ZSCAN5A: variants seen among roughly 807,000 people sequenced by gnomAD.
ZSCAN5A encodes the protein zinc finger and SCAN domain-containing protein 5A.
ZSCAN5A carries 12 observed loss-of-function variants against 23.7 expected under a neutral mutation model. The observed-to-expected ratio is 0.51, with a 90% CI of 0.32 to 0.82. The LOEUF (loss-of-function observed/expected upper bound fraction) is 0.82, where lower values mean the gene tolerates loss of function less well. Among genes scored for constraint, ZSCAN5A ranks in the 40% least tolerant of loss-of-function variants. ZSCAN5A has a pLI of 0.03. For missense variants in ZSCAN5A, 597 were observed against 617.9 expected, an observed-to-expected ratio of 0.97 and a Z score of 0.36; for synonymous variants, 257 against 239.9, an observed-to-expected ratio of 1.07 and a Z score of -0.66.
At chr19:56,279,020 T>G (rs2038476989) in intron 2 of ZSCAN5A, among the ~76,000 whole-genome samples, 1 of 152,214 alleles carries the variant, frequency 6.6e-6, no homozygotes, top group African/African-American at 2.4e-5. Context: ...CAGACACACC[T>G]GGGGCAGCCC....
chr19:56,230,837 C>T (rs550125273), intron 2 of ZSCAN5A, among the ~76,000 whole-genome samples: 1 of 152,158 alleles, frequency 6.6e-6, no homozygotes, highest in Non-Finnish European at 1.5e-5. Flanking sequence ...CTACCTTCGA[C>T]GTGCTCAGAA....
intron 1 of ZSCAN5A, among the ~76,000 whole-genome samples, chr19:56,367,060 G>A (rs575171762): frequency 3.5e-4 from 54 of 152,318 alleles, no homozygotes; most frequent in Non-Finnish European, 6.6e-4. Flanking sequence ...CACATTTATA[G>A]ATCAAGAATA....
intron 2 of ZSCAN5A, among the ~76,000 whole-genome samples, chr19:56,278,481 G>C (rs1432445696): frequency 3.3e-5 from 5 of 152,218 alleles, no homozygotes; most frequent in Non-Finnish European, 5.9e-5. Context: ...ATCTCACACA[G>C]ATAAGGAGTT....
At chr19:56,258,963 T>A (rs2036927656) in intron 2 of ZSCAN5A, among the ~76,000 whole-genome samples, 1 of 152,134 alleles carries the variant, frequency 6.6e-6, no homozygotes, top group African/African-American at 2.4e-5. Context: ...GGAGAGGACC[T>A]GAGACAGCAT....
chr19:56,239,391 C>T lies in ZSCAN5A; in HGVS notation c.-127-14218G>A, dbSNP rs149723829. Among the ~76,000 whole-genome samples, 80 of 152,360 alleles carry T rather than the reference C, an allele frequency of 5.3e-4. No homozygotes were observed. The East Asian group carries it at 0.012, about 23-fold the overall frequency. On this transcript the variant is annotated intron_variant, in intron 2 of 5. Transcript: ENST00000683990. ...ACACTCAGTTTTCATTCCACAATGA[C>T]TCCATGATCCACGCAGTATAATTCA...
Position 56,222,260 on chromosome 19 carries a change from G to A in ZSCAN5A, c.806C>T (p.Ala269Val), listed in dbSNP as rs2033315716. Residue 269 changes from alanine to valine, a missense_variant, in exon 6 of 6, where the codon GCT (alanine) becomes GTT (valine). Physicochemically the swap from Ala to Val is moderately conservative, Grantham distance 64. Coordinates refer to ENST00000683990, the MANE Select transcript of ZSCAN5A (RefSeq NM_001322064.3). ...PKIASVENVD[A>V]DTPSACVVER... Reference sequence around the variant, plus strand: ...CACAACGCAGGCAGAAGGTGTGTCAGCATCCACATTTTCCACAGAGGCTAT... The same window carrying A: ...CACAACGCAGGCAGAAGGTGTGTCAACATCCACATTTTCCACAGAGGCTAT... 6.2e-7 allele frequency: 1 copy of A among 1,613,786 alleles called. No homozygotes were observed. Among genetic ancestry groups the A allele is most frequent in the South Asian group, 1.1e-5 (1 of 91,080 alleles).
intron 2 of ZSCAN5A, among the ~76,000 whole-genome samples, chr19:56,252,830 G>A (rs1469072824): frequency 6.6e-6 from 1 of 152,228 alleles, no homozygotes; most frequent in Non-Finnish European, 1.5e-5. Context: ...GGTGGCTGGA[G>A]TATGGAGAGG....
intron 2 of ZSCAN5A, chr19:56,295,679 G>A (rs955954490): frequency 4.6e-5 from 7 of 152,332 alleles, no homozygotes; most frequent in Non-Finnish European, 7.3e-5. Context: ...ACCTTGCTGC[G>A]GTGCAAATCC....
intron 2 of ZSCAN5A, among the ~76,000 whole-genome samples, chr19:56,263,855 G>A (rs575129489): frequency 3.9e-5 from 6 of 151,908 alleles, no homozygotes; most frequent in East Asian, 1.9e-4. Context: ...GCTTCTATGA[G>A]CCATATAAAT....
chr19:56,326,577 G>A (rs1037229196), intron 2 of ZSCAN5A, among the ~76,000 whole-genome samples: 4 of 151,968 alleles, frequency 2.6e-5, no homozygotes, highest in Non-Finnish European at 5.9e-5. Flanking sequence ...GAATCACGCA[G>A]TATGTGGCTC....
At chr19:56,313,539 A>G (rs1306494232) in intron 1 of ZSCAN5A, among the ~76,000 whole-genome samples, 155 bp from the exon 2 acceptor site, 1 of 152,272 alleles carries the variant, frequency 6.6e-6, no homozygotes, top group East Asian at 1.9e-4. Context: ...GCCAAACCAT[A>G]TCAGAAGAGA....
At chr19:56,337,171 G>T (rs1415917256) in intron 2 of ZSCAN5A, among the ~76,000 whole-genome samples, 10 of 152,232 alleles carry the variant, frequency 6.6e-5, no homozygotes, top group Non-Finnish European at 1.2e-4. Flanking sequence ...TCTGTGCCCT[G>T]CCCCCACAGG....
chr19:56,357,292 C>T (rs942399542), intron 2 of ZSCAN5A, among the ~76,000 whole-genome samples: 4 of 148,528 alleles, frequency 2.7e-5, no homozygotes, highest in Non-Finnish European at 3.0e-5. Context: ...GTGATCTTGC[C>T]TCATGCATGC....
In ZSCAN5A at chr19:56,259,817, T is replaced by C. The variant is rs1380409029; in HGVS notation, c.-127-34644A>G. On this transcript the variant is annotated intron_variant, in intron 2 of 5. Coordinates refer to ENST00000683990, the MANE Select transcript of ZSCAN5A (RefSeq NM_001322064.3). ...AACGAAACCCCATCTCTACAAAAAATATAAAAATTAGCTGGGCATGGTGGC... is the reference window on the plus strand; with the variant it reads ...AACGAAACCCCATCTCTACAAAAAACATAAAAATTAGCTGGGCATGGTGGC... Among the ~76,000 whole-genome samples the C allele has an allele frequency of 3.3e-5, 5 of 152,180 alleles. No homozygotes were observed. In the East Asian group the frequency reaches 9.7e-4, roughly 29 times the overall value.
chr19:56,323,167 T>TA (rs760583286), intron 2 of ZSCAN5A, among the ~76,000 whole-genome samples: 2 of 152,172 alleles, frequency 1.3e-5, no homozygotes, highest in Non-Finnish European at 2.9e-5. Context: ...GTGCTGGGAT[T>TA]ACAGGCGTGA....
At chr19:56,240,764 G>T (rs1157295524) in intron 2 of ZSCAN5A, among the ~76,000 whole-genome samples, 1 of 152,066 alleles carries the variant, frequency 6.6e-6, no homozygotes, top group Admixed American at 6.6e-5. Flanking sequence ...TAGAGACGGG[G>T]GTCTCACTCA....
chr19:56,361,505 C>T (rs1267011741), intron 2 of ZSCAN5A, among the ~76,000 whole-genome samples: 1 of 152,128 alleles, frequency 6.6e-6, no homozygotes, highest in Non-Finnish European at 1.5e-5. Flanking sequence ...TACAAATACA[C>T]CATGGAGTAC....
At chr19:56,247,056 C>T (rs746132575) in intron 2 of ZSCAN5A, 3 of 792,086 alleles carry the variant, frequency 3.8e-6, no homozygotes, top group African/African-American at 1.7e-5. Flanking sequence ...AACTGCTGCC[C>T]TTTGCATGTG....
At chr19:56,323,987 T>C (rs187326113) in intron 2 of ZSCAN5A, among the ~76,000 whole-genome samples, 2 of 152,262 alleles carry the variant, frequency 1.3e-5, no homozygotes, top group Admixed American at 1.3e-4. Context: ...TTGGAAACAT[T>C]TCAATTCCTC....
Sources: gnomAD v4.1 joint callset for allele counts (sites outside exome capture counted in the v4.1 genomes callset) on GRCh38, gnomAD v4.1.1 for gene constraint, MANE v1.5 for transcripts, NCBI Gene and HGNC (gene_info 2026-07-23, HGNC 2026-07-21) for gene names.